ME3: variants seen among roughly 807,000 people sequenced by gnomAD.
ME3 encodes malic enzyme 3, also known as NADP-dependent malic enzyme, mitochondrial.
ME3 carries 48 observed loss-of-function variants against 68.9 expected under a neutral mutation model. The ratio of observed to expected loss-of-function variants is 0.70; its 90% confidence interval spans 0.55 to 0.89. The LOEUF is 0.89. Among genes scored for constraint, ME3 ranks in the 40% least tolerant of loss-of-function variants. The pLI is 0.00. For synonymous variants in ME3, 320 were observed against 318.8 expected, an observed-to-expected ratio of 1.00 and a Z score of -0.04; for missense variants, 675 against 797.4, an observed-to-expected ratio of 0.85 and a Z score of 1.85.
chr11:86,502,713 C>G (rs1952808798), intron 5 of ME3, among the ~76,000 whole-genome samples: 2 of 152,186 alleles, frequency 1.3e-5, no homozygotes, highest in African/African-American at 4.8e-5. Context: ...TCACATTTTC[C>G]TTGTTTGGAA....
chr11:86,656,050 T>C (rs1387400056), intron 2 of ME3, among the ~76,000 whole-genome samples: 1 of 151,044 alleles, frequency 6.6e-6, no homozygotes, highest in Non-Finnish European at 1.5e-5. Flanking sequence ...CACAATGAGA[T>C]ACCATCTCAC....
chr11:86,441,326 C>T, exon 15 of ME3: 5 of 1,612,238 alleles, frequency 3.1e-6, no homozygotes, highest in Non-Finnish European at 4.2e-6. Flanking sequence ...GTGTAGCTGT[C>T]CAGTGTAAAG....
rs568805791 is a variant in ME3, at chr11:86,506,181, A to G, written c.543+2611T>C. Among the ~76,000 whole-genome samples, 478 of 152,190 alleles carry G rather than the reference A, an allele frequency of 3.1e-3. 5 individuals are homozygous for G. Among genetic ancestry groups the G allele is most frequent in the African/African-American group, 0.011 (465 of 41,502 alleles). On this transcript the variant is annotated intron_variant, in intron 5 of 14. Coordinates refer to ENST00000543262, the Ensembl canonical transcript of ME3. The stretch of plus-strand genomic sequence containing the variant: ...CTTAACATTCTCCTAGAGGCTCTGG[A>G]TGTCTCTCTTATTTGGGGCCTGCTG...
At chr11:86,662,405 A>G (rs991680572) in intron 2 of ME3, among the ~76,000 whole-genome samples, 1 of 152,036 alleles carries the variant, frequency 6.6e-6, no homozygotes, top group African/African-American at 2.4e-5. Context: ...CCTGGCCAAC[A>G]TAACAAGACC....
At chr11:86,644,772 G>C (rs949878639) in intron 2 of ME3, among the ~76,000 whole-genome samples, 1 of 152,214 alleles carries the variant, frequency 6.6e-6, no homozygotes, top group African/African-American at 2.4e-5. Flanking sequence ...TCCCAGGCAA[G>C]ATGGTCAAAT....
At chr11:86,490,949 G>C (rs1430734306) in intron 6 of ME3, among the ~76,000 whole-genome samples, 2 of 152,158 alleles carry the variant, frequency 1.3e-5, no homozygotes, top group Non-Finnish European at 2.9e-5. Flanking sequence ...CTGCAGTAAA[G>C]ATCAAAGGTC....
intron 4 of ME3, among the ~76,000 whole-genome samples, chr11:86,555,395 A>G (rs575340145): frequency 3.2e-4 from 48 of 152,108 alleles, no homozygotes; most frequent in Non-Finnish European, 5.0e-4. Flanking sequence ...CTCTACCACT[A>G]TTGGTTTTGG....
At chr11:86,567,183 C>T (rs1003791065) in intron 2 of ME3, among the ~76,000 whole-genome samples, 1 of 150,910 alleles carries the variant, frequency 6.6e-6, no homozygotes, top group Non-Finnish European at 1.5e-5. Flanking sequence ...TGCCACTGCA[C>T]TCCAGCCTGG....
chr11:86,620,844 C>A (rs186012104), intron 2 of ME3, among the ~76,000 whole-genome samples: 300 of 152,304 alleles, frequency 2.0e-3, no homozygotes, highest in African/African-American at 7.1e-3. Context: ...GCCAATCTCT[C>A]TGTCCTCTAG....
chr11:86,659,588 A>G (rs899576165), intron 2 of ME3, among the ~76,000 whole-genome samples: 3 of 152,240 alleles, frequency 2.0e-5, no homozygotes, highest in Non-Finnish European at 4.4e-5. Context: ...TTTGGTTCAC[A>G]TTGTGTATGC....
chr11:86,457,684 A>G lies in ME3; in HGVS notation c.920-7286T>C, dbSNP rs1343434674. The G allele has an allele frequency of 3.1e-6, 4 of 1,287,714 alleles. No homozygotes were observed. In the East Asian group the frequency reaches 1.7e-4, roughly 54 times the overall value. 79.8% of individuals were successfully genotyped at this position (1,287,714 alleles called of 1,614,324 possible). A position where few individuals can be genotyped will look rare whatever the true frequency, so the allele number is the denominator to read the frequency against. On this transcript the variant is annotated intron_variant, in intron 8 of 14. Transcript: ENST00000543262. ...TCGAGGTAACCACTCTGAGAAGCCC[A>G]TGGGTCCAGGGATGTGCTGGAACAT...
chr11:86,452,626 C>T (rs765648170), intron 8 of ME3, among the ~76,000 whole-genome samples: 2 of 152,158 alleles, frequency 1.3e-5, no homozygotes, highest in Non-Finnish European at 2.9e-5. Flanking sequence ...TCTTTGACTT[C>T]ATGACTGGTT....
At chr11:86,569,988 C>T (rs1263048256) in intron 2 of ME3, among the ~76,000 whole-genome samples, 4 of 152,172 alleles carry the variant, frequency 2.6e-5, no homozygotes, top group Non-Finnish European at 5.9e-5. Flanking sequence ...AGCCAGGTAT[C>T]TTAGACTTCA....
intron 2 of ME3, among the ~76,000 whole-genome samples, chr11:86,562,602 T>C (rs1957287623): frequency 6.6e-6 from 1 of 152,218 alleles, no homozygotes; most frequent in African/African-American, 2.4e-5. Flanking sequence ...TACAGTGATA[T>C]GTCATTATTG....
chr11:86,508,796 A>G, exon 5 of ME3: 1 of 1,610,230 alleles, frequency 6.2e-7, no homozygotes, highest in Non-Finnish European at 8.5e-7. Context: ...TCATACCTTA[A>G]TATTGTCTTC....
intron 2 of ME3, among the ~76,000 whole-genome samples, chr11:86,657,987 T>C (rs1946019264): frequency 6.6e-6 from 1 of 152,096 alleles, no homozygotes; most frequent in African/African-American, 2.4e-5. Flanking sequence ...GATGAATAGC[T>C]CTTCTTAGGT....
At chr11:86,616,857 G>A (rs1362691405) in intron 2 of ME3, among the ~76,000 whole-genome samples, 3 of 152,052 alleles carry the variant, frequency 2.0e-5, no homozygotes, top group African/African-American at 7.2e-5. Context: ...AAAAACTGGT[G>A]AAATCCAAAG....
chr11:86,663,831 CA>C (rs1946430428), intron 2 of ME3, among the ~76,000 whole-genome samples: 1 of 151,874 alleles, frequency 6.6e-6, no homozygotes. Flanking sequence ...AAAAAGTGTC[CA>C]AAAAAACGCC....
At chr11:86,491,022 T>C (rs977525272) in intron 6 of ME3, among the ~76,000 whole-genome samples, 4 of 152,234 alleles carry the variant, frequency 2.6e-5, no homozygotes, top group Non-Finnish European at 4.4e-5. Flanking sequence ...AAAGTCCTTA[T>C]ATTTTGCTTT....
Sources: allele counts gnomAD v4.1 joint callset (sites outside exome capture counted in the v4.1 genomes callset), GRCh38; gene constraint gnomAD v4.1.1; transcripts MANE v1.5; gene names NCBI Gene and HGNC (gene_info 2026-07-23, HGNC 2026-07-21).